Variants in ROBO1 observed in about 807,000 individuals in gnomAD.
The protein encoded by ROBO1 is roundabout guidance receptor 1, also known as roundabout homolog 1.
In ROBO1, 149 loss-of-function variants were observed where a neutral mutation model predicts 195.9. That is an observed-to-expected ratio of 0.76 (90% confidence interval 0.67 to 0.87). The LOEUF is 0.87. ROBO1 is among the 40% of genes least tolerant of loss of function. The probability of loss-of-function intolerance (pLI) is 0.00; values close to 1 mark genes in which losing one functional copy is unlikely to be tolerated. For synonymous variants in ROBO1, 816 were observed against 733.2 expected (o/e 1.11, Z -1.82); for missense variants, 1,933 against 2,068.3 (o/e 0.93, Z 1.27).
At chr3:79,129,617 C>T (rs1389364156) in intron 2 of ROBO1, among the ~76,000 whole-genome samples, 5 of 151,960 alleles carry the variant, frequency 3.3e-5, no homozygotes, top group Non-Finnish European at 7.4e-5. Context: ...GGTTTTTAAA[C>T]ATTAATTATT....
At chr3:79,163,375 C>A (rs564086794) in intron 2 of ROBO1, among the ~76,000 whole-genome samples, 18 of 152,240 alleles carry the variant, frequency 1.2e-4, no homozygotes, top group Admixed American at 2.6e-4. Context: ...CTTTTTAAGG[C>A]TGAATGATAT....
At chr3:78,853,001 T>C (rs1371019706) in intron 4 of ROBO1, among the ~76,000 whole-genome samples, 1 of 152,110 alleles carries the variant, frequency 6.6e-6, no homozygotes, top group Non-Finnish European at 1.5e-5. Context: ...ATTTCATTCA[T>C]GGAGACAAGA....
intron 2 of ROBO1, among the ~76,000 whole-genome samples, chr3:79,164,052 A>G (rs140146947): frequency 3.0e-4 from 45 of 152,286 alleles, no homozygotes; most frequent in African/African-American, 1.0e-3. Context: ...TTATAAGGGG[A>G]GATCACAGTG....
chr3:79,192,405 T>C (rs2081556185), intron 2 of ROBO1, among the ~76,000 whole-genome samples: 2 of 151,702 alleles, frequency 1.3e-5, no homozygotes, highest in Non-Finnish European at 2.9e-5. Context: ...GCAGGTAATA[T>C]GTGACTAATA....
chr3:79,474,892 A>G (rs1938469309), intron 2 of ROBO1, among the ~76,000 whole-genome samples: 1 of 152,068 alleles, frequency 6.6e-6, no homozygotes, highest in Admixed American at 6.6e-5. Flanking sequence ...CTAGCCTAGC[A>G]AATCAGATTT....
intron 8 of ROBO1, among the ~76,000 whole-genome samples, chr3:78,702,835 T>C (rs1477114069): frequency 6.6e-6 from 1 of 152,168 alleles, no homozygotes. Flanking sequence ...GGAAGGCCTA[T>C]GATGCGCTAT....
chr3:79,183,349 G>C (rs572319308), intron 2 of ROBO1, among the ~76,000 whole-genome samples: 20 of 152,168 alleles, frequency 1.3e-4, no homozygotes, highest in Non-Finnish European at 2.4e-4. Flanking sequence ...ATGGATGAAT[G>C]TGAAGAAAGA....
At chr3:78,820,493 A>T (rs938567423) in intron 4 of ROBO1, among the ~76,000 whole-genome samples, 1 of 152,202 alleles carries the variant, frequency 6.6e-6, no homozygotes, top group Non-Finnish European at 1.5e-5. Context: ...TTAAATGTAT[A>T]AAAAATGGTA....
At position 78,884,648 on chromosome 3, in the gene ROBO1, AAAGGAAGGAAGGAAGGAAGGAAGG is replaced by A. The variant is rs780597106; in HGVS notation, c.499+53929_499+53952del. 9.9e-4 allele frequency among the ~76,000 whole-genome samples: 106 copies of A among 107,522 alleles called. 1 individual carries two copies. Among genetic ancestry groups the A allele is most frequent in the Middle Eastern group, 5.1e-3 (1 of 198 alleles). The allele number at this position is 107,522 out of a possible 152,430, so 70.5% of individuals were successfully genotyped here. A position where few individuals can be genotyped will look rare whatever the true frequency, so the allele number is the denominator to read the frequency against. On this transcript the variant is annotated intron_variant, in intron 4 of 30. Transcript: ENST00000464233. The stretch of plus-strand genomic sequence containing the variant: ...GAGAAAGAAAGAGAAAGAAAGAAAG[AAAGGAAGGAAGGAAGGAAGGAAGG>A]AAGGAAGGAAGGAAGGAAGGAAGGA...
intron 3 of ROBO1, among the ~76,000 whole-genome samples, chr3:78,957,512 T>C (rs996180377): frequency 3.7e-4 from 57 of 152,288 alleles, no homozygotes; most frequent in Non-Finnish European, 6.9e-4. Flanking sequence ...ATCTGCAAGT[T>C]GTGTATGCAG....
At chr3:79,145,848 T>C (rs1039724078) in intron 2 of ROBO1, among the ~76,000 whole-genome samples, 1 of 151,968 alleles carries the variant, frequency 6.6e-6, no homozygotes, top group Non-Finnish European at 1.5e-5. Context: ...TAAAATAAAA[T>C]GATCATCTTT....
intron 8 of ROBO1, among the ~76,000 whole-genome samples, chr3:78,701,392 G>A (rs1287979434): frequency 1.3e-5 from 2 of 152,116 alleles, no homozygotes; most frequent in Non-Finnish European, 2.9e-5. Context: ...CCTGAAAAGC[G>A]ATGTGAGGCA....
chr3:79,293,413 T>C (rs772546807), intron 2 of ROBO1, among the ~76,000 whole-genome samples: 12 of 152,218 alleles, frequency 7.9e-5, no homozygotes, highest in Non-Finnish European at 1.3e-4. Flanking sequence ...TTTCTTGTCT[T>C]CTGCTAGCTT....
intron 2 of ROBO1, among the ~76,000 whole-genome samples, chr3:79,145,531 A>G (rs2080630522): frequency 6.6e-6 from 1 of 152,022 alleles, no homozygotes; most frequent in Non-Finnish European, 1.5e-5. Flanking sequence ...TATTTACTAT[A>G]CTTGAAAATC....
chr3:79,623,084 G>T (rs1185717814), intron 1 of ROBO1, among the ~76,000 whole-genome samples: 2 of 152,034 alleles, frequency 1.3e-5, no homozygotes, highest in Non-Finnish European at 2.9e-5. Context: ...GCAGAAGAGG[G>T]ACCTGACCAT....
chr3:78,951,198 C>A (rs1183670529), intron 3 of ROBO1, among the ~76,000 whole-genome samples: 1 of 151,664 alleles, frequency 6.6e-6, no homozygotes, highest in East Asian at 1.9e-4. Context: ...GCCTCCAAGT[C>A]CCAGATATCA....
chr3:79,183,886 A>G (rs1420113451), intron 2 of ROBO1, among the ~76,000 whole-genome samples: 1 of 152,250 alleles, frequency 6.6e-6, no homozygotes, highest in Non-Finnish European at 1.5e-5. Flanking sequence ...ATAACCATGA[A>G]TGTAATGACT....
intron 4 of ROBO1, among the ~76,000 whole-genome samples, chr3:78,787,926 CTTTTTTTTTTTTTT>C (rs71127358): frequency 2.4e-4 from 17 of 71,718 alleles, no homozygotes; most frequent in Middle Eastern, 0.011. Context: ...GACCCCTTCT[CTTTTTTTTTTTTTT>C]TTTTTTTTTT....
chr3:78,789,394 A>G (rs1045754852), intron 4 of ROBO1, among the ~76,000 whole-genome samples: 5 of 152,228 alleles, frequency 3.3e-5, no homozygotes, highest in Non-Finnish European at 4.4e-5. Context: ...ACGACTAAGA[A>G]TGAGGACTTT....
Sources: allele counts gnomAD v4.1 joint callset (sites outside exome capture counted in the v4.1 genomes callset), GRCh38; gene constraint gnomAD v4.1.1; transcripts MANE v1.5; gene names NCBI Gene and HGNC (gene_info 2026-07-23, HGNC 2026-07-21).